CATSPERB: variants seen among roughly 807,000 people sequenced by gnomAD.
The protein encoded by CATSPERB is cation channel sperm-associated auxiliary subunit beta.
A neutral mutation model predicts 128.3 loss-of-function variants in CATSPERB; 93 were observed. That is an observed-to-expected ratio of 0.72 (90% CI 0.61 to 0.86). The LOEUF is 0.86. Ranked by LOEUF, CATSPERB falls within the 40% of genes least tolerant of loss-of-function variation. The pLI, the probability that CATSPERB is intolerant of heterozygous loss-of-function variation, is 0.00. For synonymous variants in CATSPERB, 381 were observed against 448.8 expected, an observed-to-expected ratio of 0.85 and a Z score of 1.91; for missense variants, 1,153 against 1,329.5, an observed-to-expected ratio of 0.87 and a Z score of 2.06.
At chr14:91,600,647 T>A (rs562912825) in intron 22 of CATSPERB, among the ~76,000 whole-genome samples, 1 of 152,252 alleles carries the variant, frequency 6.6e-6, no homozygotes, top group African/African-American at 2.4e-5. Context: ...CACTTTCCTA[T>A]GGAATAATTT....
At chr14:91,603,965 ATTT>A (rs35843912) in intron 22 of CATSPERB, among the ~76,000 whole-genome samples, 79 of 139,334 alleles carry the variant, frequency 5.7e-4, no homozygotes, top group African/African-American at 1.8e-3. Context: ...AACTTCATCT[ATTT>A]TTTTTTTTTT....
intron 22 of CATSPERB, among the ~76,000 whole-genome samples, chr14:91,599,846 A>G (rs985958808): frequency 8.5e-5 from 13 of 152,170 alleles, no homozygotes; most frequent in African/African-American, 3.1e-4. Flanking sequence ...AGCCTTTCCA[A>G]AGGAGGCAAA....
chr14:91,624,240 G>A (rs992066391), intron 18 of CATSPERB, among the ~76,000 whole-genome samples: 2 of 152,214 alleles, frequency 1.3e-5, no homozygotes, highest in Non-Finnish European at 2.9e-5. Flanking sequence ...CTAGCACTTT[G>A]AGACGCTGAG....
intron 22 of CATSPERB, chr14:91,603,439 C>T: frequency 6.4e-7 from 1 of 1,561,530 alleles, no homozygotes; most frequent in Non-Finnish European, 8.8e-7. Flanking sequence ...GCCATCAGAA[C>T]TAGTTATACC....
intron 10 of CATSPERB, among the ~76,000 whole-genome samples, chr14:91,690,273 G>T (rs895475514): frequency 6.6e-6 from 1 of 152,154 alleles, no homozygotes; most frequent in African/African-American, 2.4e-5. Flanking sequence ...GGTTACAGGC[G>T]TGGGCTATCG....
At chr14:91,666,940 C>T (rs1353854964) in intron 14 of CATSPERB, among the ~76,000 whole-genome samples, 2 of 152,268 alleles carry the variant, frequency 1.3e-5, no homozygotes, top group South Asian at 4.1e-4. Flanking sequence ...CTAATCCTGA[C>T]CTTAACCTAT....
intron 4 of CATSPERB, 101 bp downstream of exon 4, chr14:91,722,948 G>A: frequency 1.1e-6 from 1 of 880,520 alleles, no homozygotes; most frequent in Non-Finnish European, 1.6e-6. Context: ...ATACATAGAT[G>A]TAATATTACT....
intron 14 of CATSPERB, among the ~76,000 whole-genome samples, chr14:91,664,664 G>A (rs1190574787): frequency 2.0e-5 from 3 of 152,122 alleles, no homozygotes; most frequent in Non-Finnish European, 4.4e-5. Flanking sequence ...CTTGGTTGCT[G>A]TACAACCCTC....
At chr14:91,657,631 A>G (rs895311217) in intron 15 of CATSPERB, among the ~76,000 whole-genome samples, 1 of 152,266 alleles carries the variant, frequency 6.6e-6, no homozygotes, top group South Asian at 2.1e-4. Flanking sequence ...CTGACAAGGA[A>G]TTAATAACTA....
intron 5 of CATSPERB, among the ~76,000 whole-genome samples, chr14:91,714,057 T>G (rs1431690567): frequency 6.6e-6 from 1 of 152,096 alleles, no homozygotes; most frequent in Non-Finnish European, 1.5e-5. Context: ...CAAATCCTTA[T>G]AATCATCTCA....
chr14:91,599,427 C>T (rs1893569540), intron 22 of CATSPERB, among the ~76,000 whole-genome samples: 5 of 150,906 alleles, frequency 3.3e-5, no homozygotes, highest in Admixed American at 2.0e-4. Flanking sequence ...GGTGTGGTGG[C>T]GGGCGCCTGT....
At chr14:91,642,675 T>A (rs2139808200) in intron 15 of CATSPERB, among the ~76,000 whole-genome samples, 1 of 108,596 alleles carries the variant, frequency 9.2e-6, no homozygotes, top group African/African-American at 3.5e-5. Flanking sequence ...ATTCTCTTTT[T>A]TGGTTGTGTC....
intron 22 of CATSPERB, among the ~76,000 whole-genome samples, chr14:91,606,380 T>C (rs1482885104): frequency 6.6e-6 from 1 of 151,850 alleles, no homozygotes; most frequent in Non-Finnish European, 1.5e-5. Flanking sequence ...CTGGTCAACA[T>C]GGCAAAACCC....
chr14:91,658,969 TG>T (rs1256855708), intron 15 of CATSPERB, among the ~76,000 whole-genome samples: 1 of 151,898 alleles, frequency 6.6e-6, no homozygotes, highest in African/African-American at 2.4e-5. Flanking sequence ...GGTCCTAGGC[TG>T]GTTAGCAAAA....
At chr14:91,715,061 G>A (rs7157382) in intron 5 of CATSPERB, 149,376 of 152,172 alleles carry the variant, frequency 0.98, 73,371 homozygotes, top group Middle Eastern at 1. Flanking sequence ...TGTGGTTTCC[G>A]GTGCTCTACA....
intron 22 of CATSPERB, among the ~76,000 whole-genome samples, chr14:91,598,116 C>G (rs1893541087): frequency 4.6e-5 from 7 of 151,468 alleles, no homozygotes; most frequent in Admixed American, 4.6e-4. Context: ...TATTTTAGGA[C>G]TAAATTTACC....
intron 1 of CATSPERB, among the ~76,000 whole-genome samples, chr14:91,730,641 G>A (rs1436424526): frequency 2.6e-5 from 4 of 152,136 alleles, no homozygotes; most frequent in Non-Finnish European, 5.9e-5. Flanking sequence ...CTCTGACCTA[G>A]GAGTCTTGTG....
At chr14:91,697,484 T>C (rs1895583231) in intron 7 of CATSPERB, among the ~76,000 whole-genome samples, 1 of 152,202 alleles carries the variant, frequency 6.6e-6, no homozygotes, top group African/African-American at 2.4e-5. Flanking sequence ...TCAGAGCTAA[T>C]GACATTAGAG....
intron 17 of CATSPERB, among the ~76,000 whole-genome samples, chr14:91,634,052 A>T (rs1026350168): frequency 1.3e-5 from 2 of 152,192 alleles, no homozygotes; most frequent in Non-Finnish European, 2.9e-5. Context: ...GAAAATTCAC[A>T]TATTACTTTT....
Sources: gnomAD v4.1 joint callset for allele counts (sites outside exome capture counted in the v4.1 genomes callset) on GRCh38, gnomAD v4.1.1 for gene constraint, MANE v1.5 for transcripts, NCBI Gene and HGNC (gene_info 2026-07-23, HGNC 2026-07-21) for gene names.